TTC23: variants seen among roughly 807,000 people sequenced by gnomAD.
TTC23 encodes tetratricopeptide repeat domain 23.
A neutral mutation model predicts 55.1 loss-of-function variants in TTC23; 58 were observed. The observed-to-expected ratio is 1.05, with a 90% confidence interval of 0.85 to 1.31. The LOEUF is 1.31. Ranked by LOEUF, TTC23 falls within the 50% of genes most tolerant of loss-of-function variation. The probability of loss-of-function intolerance (pLI) is 0.00; values close to 1 mark genes in which losing one functional copy is unlikely to be tolerated. For missense variants in TTC23, 516 were observed against 534.4 expected, an observed-to-expected ratio of 0.97 and a Z score of 0.34; for synonymous variants, 203 against 199.9, an observed-to-expected ratio of 1.02 and a Z score of -0.13.
intron 10 of TTC23, among the ~76,000 whole-genome samples, chr15:99,162,809 G>C (rs1162255619): frequency 6.6e-6 from 1 of 152,140 alleles, no homozygotes; most frequent in Non-Finnish European, 1.5e-5. Context: ...GCCGGGGGTG[G>C]TGGCTCACAC....
intron 4 of TTC23, among the ~76,000 whole-genome samples, chr15:99,232,394 G>A (rs1596971471): frequency 6.6e-6 from 1 of 151,284 alleles, no homozygotes; most frequent in Non-Finnish European, 1.5e-5. Flanking sequence ...CAGGAGAATT[G>A]CTTGAACTTG....
intron 13 of TTC23, among the ~76,000 whole-genome samples, chr15:99,138,400 G>A (rs977804890): frequency 1.3e-5 from 2 of 151,252 alleles, no homozygotes; most frequent in Non-Finnish European, 2.9e-5. Flanking sequence ...TGCAACTTCC[G>A]CCTCCCAGGT....
At chr15:99,213,006 AG>A (rs368010096) in intron 8 of TTC23, among the ~76,000 whole-genome samples, 36,207 of 101,318 alleles carry the variant, frequency 0.36, 7,599 homozygotes, top group Middle Eastern at 0.46. Context: ...AAAAAAAAAA[AG>A]GGGGGGACAT....
intron 9 of TTC23, among the ~76,000 whole-genome samples, chr15:99,181,795 G>A (rs915421524): frequency 6.6e-6 from 1 of 152,284 alleles, no homozygotes; most frequent in African/African-American, 2.4e-5. Flanking sequence ...ATCCCTGGGG[G>A]ATTAGATGAA....
At chr15:99,195,975 G>T (rs1366254405) in intron 9 of TTC23, among the ~76,000 whole-genome samples, 1 of 151,788 alleles carries the variant, frequency 6.6e-6, no homozygotes, top group Non-Finnish European at 1.5e-5. Flanking sequence ...CCAACATGGT[G>T]AAACCCTGTC....
intron 2 of TTC23, among the ~76,000 whole-genome samples, chr15:99,243,065 C>A (rs1287319525): frequency 6.6e-6 from 1 of 152,008 alleles, no homozygotes; most frequent in Non-Finnish European, 1.5e-5. Flanking sequence ...AAGAGACAAC[C>A]CACAGAATGG....
chr15:99,154,659 A>G (rs2070298841), intron 12 of TTC23, among the ~76,000 whole-genome samples: 1 of 152,230 alleles, frequency 6.6e-6, no homozygotes, highest in Non-Finnish European at 1.5e-5. Context: ...GTAGTGTGAA[A>G]TAAGTTTATT....
chr15:99,198,410 T>G (rs1381186463), intron 9 of TTC23, among the ~76,000 whole-genome samples: 1 of 152,196 alleles, frequency 6.6e-6, no homozygotes, highest in Non-Finnish European at 1.5e-5. Flanking sequence ...CAATTCTGCC[T>G]CCTAAATCTT....
chr15:99,211,000 G>A (rs923902364), intron 8 of TTC23, among the ~76,000 whole-genome samples: 1 of 152,152 alleles, frequency 6.6e-6, no homozygotes, highest in Non-Finnish European at 1.5e-5. Context: ...GAAAACTTGT[G>A]TTAGAATAAC....
At chr15:99,158,024 T>A (rs1312132155) in intron 11 of TTC23, 20 of 152,202 alleles carry the variant, frequency 1.3e-4, no homozygotes, top group Non-Finnish European at 2.5e-4. Flanking sequence ...GTTTAATCCT[T>A]TTGTTGGCAA....
chr15:99,164,124 C>A (rs1266942745), intron 10 of TTC23, among the ~76,000 whole-genome samples: 1 of 152,192 alleles, frequency 6.6e-6, no homozygotes, highest in Non-Finnish European at 1.5e-5. Flanking sequence ...GAAACCAGCA[C>A]AGAAACTAGT....
At chr15:99,187,462 A>AAAAAAAAAAAAAAAAAAAAAAAAG (rs1230105824) in intron 9 of TTC23, among the ~76,000 whole-genome samples, 30 of 132,572 alleles carry the variant, frequency 2.3e-4, no homozygotes, top group South Asian at 4.5e-4. Context: ...CAAAAAAAAA[A>AAAAAAAAAAAAAAAAAAAAAAAAG]AAAAAACAAA....
intron 9 of TTC23, among the ~76,000 whole-genome samples, chr15:99,191,801 C>T (rs917016597): frequency 6.6e-6 from 1 of 152,106 alleles, no homozygotes; most frequent in African/African-American, 2.4e-5. Context: ...AACTGGGTAA[C>T]AGGCAGAGGT....
chr15:99,203,884 C>G (rs1426592364), intron 8 of TTC23, among the ~76,000 whole-genome samples: 1 of 152,034 alleles, frequency 6.6e-6, no homozygotes, highest in Non-Finnish European at 1.5e-5. Flanking sequence ...TTTTCTTTAT[C>G]CATTCATCCA....
chr15:99,211,714 C>T (rs971951774), intron 8 of TTC23, among the ~76,000 whole-genome samples: 2 of 152,156 alleles, frequency 1.3e-5, no homozygotes, highest in African/African-American at 4.8e-5. Flanking sequence ...TTAATCTTCA[C>T]AGCAACCCCT....
At chr15:99,216,751 C>T (rs527904152) in intron 8 of TTC23, among the ~76,000 whole-genome samples, 10 of 152,320 alleles carry the variant, frequency 6.6e-5, no homozygotes, top group African/African-American at 1.9e-4. Context: ...GGAACCTACC[C>T]ACCCTGCAAG....
At chr15:99,244,415 G>T (rs190302184) in intron 2 of TTC23, among the ~76,000 whole-genome samples, 1 of 151,194 alleles carries the variant, frequency 6.6e-6, no homozygotes, top group Admixed American at 6.6e-5. Context: ...CAAATAAATC[G>T]CCCCCCCCAA....
intron 9 of TTC23, among the ~76,000 whole-genome samples, chr15:99,197,066 C>T (rs748548680): frequency 6.6e-6 from 1 of 152,034 alleles, no homozygotes; most frequent in Non-Finnish European, 1.5e-5. Flanking sequence ...TGTTTTTGCT[C>T]CCTCATATCT....
At chr15:99,146,748 AAGGGATAGCAAACATGG>A (rs546447217) in intron 12 of TTC23, among the ~76,000 whole-genome samples, 179 of 152,286 alleles carry the variant, frequency 1.2e-3, no homozygotes, top group African/African-American at 3.4e-3. Context: ...GTGTTTTTCC[AAGGGATAGCAAACATGG>A]AGGGGCACTG....
Sources: gnomAD v4.1 joint callset for allele counts (sites outside exome capture counted in the v4.1 genomes callset) on GRCh38, gnomAD v4.1.1 for gene constraint, MANE v1.5 for transcripts, NCBI Gene and HGNC (gene_info 2026-07-23, HGNC 2026-07-21) for gene names.